Variants in HS3ST4 observed in about 807,000 individuals in gnomAD.
The protein encoded by HS3ST4 is heparan sulfate-glucosamine 3-sulfotransferase 4.
A neutral mutation model predicts 29.2 loss-of-function variants in HS3ST4; 17 were observed. The ratio of observed to expected loss-of-function variants is 0.58; its 90% CI spans 0.40 to 0.87. The LOEUF is 0.87. HS3ST4 is among the 40% of genes least tolerant of loss of function. HS3ST4 has a pLI of 0.00. For synonymous variants in HS3ST4, 314 were observed against 285.7 expected, an observed-to-expected ratio of 1.10 and a Z score of -1.00; for missense variants, 627 against 634.5, an observed-to-expected ratio of 0.99 and a Z score of 0.13.
At chr16:25,895,310 G>A (rs1968049403) in intron 1 of HS3ST4, among the ~76,000 whole-genome samples, 3 of 152,172 alleles carry the variant, frequency 2.0e-5, no homozygotes, top group East Asian at 1.9e-4. Flanking sequence ...AAGCTTGCTC[G>A]GTAGACAAGG....
chr16:25,756,098 G>C (rs1228699727), intron 1 of HS3ST4, among the ~76,000 whole-genome samples: 2 of 150,258 alleles, frequency 1.3e-5, no homozygotes, highest in Non-Finnish European at 3.0e-5. Flanking sequence ...ACAACTCTAG[G>C]TGGTGTTATA....
intron 1 of HS3ST4, among the ~76,000 whole-genome samples, chr16:25,724,365 CTTTT>C (rs111516910): frequency 8.6e-4 from 123 of 142,668 alleles, no homozygotes; most frequent in African/African-American, 1.5e-3. Context: ...CTCCCCTCAA[CTTTT>C]TTTTTTTTTT....
At chr16:25,864,823 T>G (rs113923777) in intron 1 of HS3ST4, among the ~76,000 whole-genome samples, 1,662 of 151,628 alleles carry the variant, frequency 0.011, 24 homozygotes, top group African/African-American at 0.038. Flanking sequence ...GTATATATAT[T>G]TATAAATAAA....
intron 1 of HS3ST4, among the ~76,000 whole-genome samples, chr16:26,015,842 G>A (rs1489701379): frequency 6.6e-6 from 1 of 152,182 alleles, no homozygotes; most frequent in South Asian, 2.1e-4. Flanking sequence ...CAATTTGGGG[G>A]GATTTAAGTT....
At chr16:25,710,536 T>C (rs527589570) in intron 1 of HS3ST4, among the ~76,000 whole-genome samples, 180 of 84,044 alleles carry the variant, frequency 2.1e-3, no homozygotes, top group South Asian at 6.6e-3. Flanking sequence ...GGAGTCTGGC[T>C]CGTTCCTTAT....
intron 1 of HS3ST4, among the ~76,000 whole-genome samples, chr16:25,867,906 A>T (rs1382208542): frequency 6.6e-6 from 1 of 152,186 alleles, no homozygotes; most frequent in African/African-American, 2.4e-5. Context: ...ACACAGGTAG[A>T]TAAAGAGATC....
At chr16:25,938,054 C>T (rs779004458) in intron 1 of HS3ST4, among the ~76,000 whole-genome samples, 4 of 152,134 alleles carry the variant, frequency 2.6e-5, no homozygotes, top group Admixed American at 6.6e-5. Context: ...AGTTCTTCAG[C>T]TCCACAAGTG....
intron 1 of HS3ST4, among the ~76,000 whole-genome samples, chr16:25,900,604 A>G (rs1968111914): frequency 1.3e-5 from 2 of 152,276 alleles, no homozygotes; most frequent in South Asian, 2.1e-4. Flanking sequence ...ATACAACAAC[A>G]TTGGGATGTA....
chr16:25,788,137 G>A (rs1966860301), intron 1 of HS3ST4, among the ~76,000 whole-genome samples: 1 of 152,188 alleles, frequency 6.6e-6, no homozygotes, highest in Admixed American at 6.5e-5. Context: ...TGCCAGGCCG[G>A]TGCAGTGGCT....
intron 1 of HS3ST4, among the ~76,000 whole-genome samples, chr16:25,893,243 C>T (rs1047387614): frequency 2.6e-5 from 4 of 152,178 alleles, no homozygotes; most frequent in Admixed American, 1.3e-4. Flanking sequence ...TGCGAGAAGC[C>T]GATGAAGGAT....
At chr16:26,011,549 G>T (rs931892287) in intron 1 of HS3ST4, among the ~76,000 whole-genome samples, 16 of 152,228 alleles carry the variant, frequency 1.1e-4, no homozygotes, top group African/African-American at 3.6e-4. Flanking sequence ...GACAGAGCAA[G>T]ACTCTGTCTC....
intron 1 of HS3ST4, among the ~76,000 whole-genome samples, chr16:26,123,609 C>CTCTAAAA: frequency 6.6e-6 from 1 of 152,266 alleles, no homozygotes; most frequent in East Asian, 1.9e-4. Flanking sequence ...TTTAGTGCAC[C>CTCTAAAA]TGTCAGCCGA....
intron 1 of HS3ST4, among the ~76,000 whole-genome samples, chr16:26,052,349 AG>A (rs1898357857): frequency 6.6e-6 from 1 of 152,168 alleles, no homozygotes; most frequent in South Asian, 2.1e-4. Flanking sequence ...AATGTAAAAA[AG>A]TTATTCTTAT....
intron 1 of HS3ST4, among the ~76,000 whole-genome samples, chr16:25,894,796 G>A (rs758552192): frequency 6.6e-6 from 1 of 152,124 alleles, no homozygotes; most frequent in East Asian, 1.9e-4. Context: ...ATGAGCCACC[G>A]TGCCTGGTGG....
At chr16:25,698,324 A>T (rs1161054956) in intron 1 of HS3ST4, among the ~76,000 whole-genome samples, 1 of 152,126 alleles carries the variant, frequency 6.6e-6, no homozygotes, top group African/African-American at 2.4e-5. Context: ...CCATGTGAAG[A>T]TCTGGGTGGA....
chr16:26,108,437 T>C (rs1899085431), intron 1 of HS3ST4, among the ~76,000 whole-genome samples: 1 of 152,190 alleles, frequency 6.6e-6, no homozygotes, highest in Non-Finnish European at 1.5e-5. Context: ...ATAAATCATG[T>C]GTAATTGATG....
intron 1 of HS3ST4, among the ~76,000 whole-genome samples, chr16:26,041,038 G>C (rs57338010): frequency 0.017 from 2,535 of 152,220 alleles, 67 homozygotes; most frequent in African/African-American, 0.056. Context: ...CTGGCTACAC[G>C]TTGGAATCAC....
At chr16:25,720,188 G>A (rs1966483444) in intron 1 of HS3ST4, among the ~76,000 whole-genome samples, 1 of 152,182 alleles carries the variant, frequency 6.6e-6, no homozygotes, top group African/African-American at 2.4e-5. Context: ...AAATCTGGAA[G>A]AAGGACATTC....
At chr16:25,843,650 G>A (rs1394923330) in intron 1 of HS3ST4, among the ~76,000 whole-genome samples, 2 of 152,186 alleles carry the variant, frequency 1.3e-5, no homozygotes, top group Non-Finnish European at 2.9e-5. Flanking sequence ...TTTTGGCAAA[G>A]AGACTTTGGA....
Sources: allele counts gnomAD v4.1 joint callset (sites outside exome capture counted in the v4.1 genomes callset), GRCh38; gene constraint gnomAD v4.1.1; transcripts MANE v1.5; gene names NCBI Gene and HGNC (gene_info 2026-07-23, HGNC 2026-07-21).